Variants in NCALD observed in about 807,000 individuals in gnomAD.
NCALD encodes neurocalcin delta.
NCALD carries 10 observed loss-of-function variants against 18.6 expected under a neutral mutation model. The observed-to-expected ratio is 0.54, with a 90% CI of 0.33 to 0.91. The LOEUF (loss-of-function observed/expected upper bound fraction) is 0.91. Among genes scored for constraint, NCALD ranks in the 40% least tolerant of loss-of-function variants. The pLI is 0.03. For synonymous variants in NCALD, 88 were observed against 87.4 expected (o/e 1.01, Z -0.04); for missense variants, 184 against 247.6 (o/e 0.74, Z 1.72).
chr8:102,063,352 T>C (rs1299187520), intron 1 of NCALD, among the ~76,000 whole-genome samples: 1 of 152,174 alleles, frequency 6.6e-6, no homozygotes, highest in Admixed American at 6.5e-5. Context: ...GATGCATTTT[T>C]TTAATTAAGC....
chr8:101,718,936 A>G (rs977767287), intron 2 of NCALD, among the ~76,000 whole-genome samples: 2 of 152,214 alleles, frequency 1.3e-5, no homozygotes, highest in Admixed American at 6.5e-5. Context: ...CACAACCACT[A>G]ATCATAATCT....
chr8:102,027,387 G>A (rs532887898), intron 1 of NCALD, among the ~76,000 whole-genome samples: 11 of 152,160 alleles, frequency 7.2e-5, no homozygotes, highest in African/African-American at 1.4e-4. Flanking sequence ...TCTCTGGGAC[G>A]GGGCAAAATG....
intron 2 of NCALD, among the ~76,000 whole-genome samples, chr8:101,958,237 G>A (rs575003244): frequency 1.6e-4 from 24 of 152,212 alleles, no homozygotes; most frequent in South Asian, 6.2e-4. Flanking sequence ...ACTTGTAATC[G>A]ACATGTTTTT....
At chr8:101,895,045 G>C (rs1586712168) in intron 3 of NCALD, among the ~76,000 whole-genome samples, 1 of 150,160 alleles carries the variant, frequency 6.7e-6, no homozygotes, top group Non-Finnish European at 1.5e-5. Context: ...CCAAAGCCGG[G>C]CAGAGACACA....
chr8:101,852,329 G>A (rs1815131615), intron 4 of NCALD, among the ~76,000 whole-genome samples: 1 of 152,126 alleles, frequency 6.6e-6, no homozygotes, highest in Non-Finnish European at 1.5e-5. Context: ...GTCCACCTCT[G>A]AACTTCTGGC....
intron 2 of NCALD, among the ~76,000 whole-genome samples, chr8:101,951,452 A>T (rs1586813472): frequency 1.3e-5 from 2 of 152,242 alleles, no homozygotes; most frequent in Admixed American, 1.3e-4. Context: ...ATGCTCCACA[A>T]ATGTCAGGGA....
intron 1 of NCALD, among the ~76,000 whole-genome samples, chr8:102,100,872 G>T (rs116980161): frequency 0.026 from 3,954 of 152,258 alleles, 132 homozygotes; most frequent in East Asian, 0.13. Context: ...GAGCAGAACG[G>T]TGGTCGTCAG....
At chr8:101,746,223 T>G (rs1031678454) in intron 1 of NCALD, among the ~76,000 whole-genome samples, 2 of 152,222 alleles carry the variant, frequency 1.3e-5, no homozygotes, top group Non-Finnish European at 2.9e-5. Flanking sequence ...AGTTTCATAA[T>G]GGTAAGGAAT....
intron 3 of NCALD, among the ~76,000 whole-genome samples, chr8:101,887,582 T>C (rs1378725701): frequency 1.3e-5 from 2 of 151,726 alleles, no homozygotes; most frequent in African/African-American, 4.8e-5. Flanking sequence ...GGAAGGATTA[T>C]AAACATTAGA....
chr8:101,813,010 T>C (rs562460861), intron 4 of NCALD, among the ~76,000 whole-genome samples: 5 of 152,176 alleles, frequency 3.3e-5, no homozygotes, highest in African/African-American at 4.8e-5. Flanking sequence ...TGTTCATTTT[T>C]TCCTTTGAAA....
rs141790441 is a variant in NCALD, at chr8:101,733,988, C to T, written c.-19-14340G>A. ...GCTGTGGCTCTGTATACAGATCCCACGAGCCCCGCTTGAGTGTCACTCATC... is the reference window on the plus strand; with the variant it reads ...GCTGTGGCTCTGTATACAGATCCCATGAGCCCCGCTTGAGTGTCACTCATC... On this transcript the variant is annotated intron_variant, in intron 1 of 3. Coordinates refer to ENST00000220931, the MANE Select transcript of NCALD (RefSeq NM_032041.3). Among the ~76,000 whole-genome samples the T allele has an allele frequency of 5.3e-3, 801 of 152,304 alleles. 6 individuals carry two copies. The highest frequency in any genetic ancestry group is 8.7e-3 in the Non-Finnish European group (589 of 68,016).
At chr8:101,706,247 G>A (rs75396768) in intron 2 of NCALD, among the ~76,000 whole-genome samples, 3,910 of 152,098 alleles carry the variant, frequency 0.026, 132 homozygotes, top group African/African-American at 0.077. Flanking sequence ...CTGTCTAAAT[G>A]TGGAGATAGA....
intron 4 of NCALD, among the ~76,000 whole-genome samples, chr8:101,873,618 T>C (rs532980595): frequency 6.6e-6 from 1 of 152,280 alleles, no homozygotes; most frequent in East Asian, 1.9e-4. Context: ...GAATGTGATA[T>C]AGTAAAAATC....
chr8:101,872,179 A>T, intron 4 of NCALD: 1 of 1,603,376 alleles, frequency 6.2e-7, no homozygotes, highest in Non-Finnish European at 8.5e-7. Flanking sequence ...ACAGAGGGGA[A>T]TTCCTCGTTT....
intron 1 of NCALD, among the ~76,000 whole-genome samples, chr8:101,761,136 G>C (rs1054736274): frequency 2.0e-5 from 3 of 152,088 alleles, no homozygotes; most frequent in African/African-American, 7.2e-5. Flanking sequence ...CTGCTACCTG[G>C]GGGAGGGGCA....
chr8:102,070,930 T>A (rs1467555885), intron 1 of NCALD, among the ~76,000 whole-genome samples: 1 of 152,118 alleles, frequency 6.6e-6, no homozygotes, highest in Non-Finnish European at 1.5e-5. Flanking sequence ...AAAAATAACA[T>A]TGCTTTTTGG....
At chr8:101,953,963 A>T (rs1338451796) in intron 2 of NCALD, among the ~76,000 whole-genome samples, 1 of 152,154 alleles carries the variant, frequency 6.6e-6, no homozygotes, top group Non-Finnish European at 1.5e-5. Flanking sequence ...CCTTGACCTA[A>T]CTCCAGGTAG....
At chr8:102,048,009 T>C (rs9656851) in intron 1 of NCALD, among the ~76,000 whole-genome samples, 9,726 of 152,230 alleles carry the variant, frequency 0.064, 636 homozygotes, top group African/African-American at 0.16. Flanking sequence ...AGAATAAAGA[T>C]CACTTGGGGA....
At chr8:101,937,210 CG>C (rs1818795412) in intron 2 of NCALD, among the ~76,000 whole-genome samples, 1 of 109,704 alleles carries the variant, frequency 9.1e-6, no homozygotes, top group African/African-American at 3.6e-5. Flanking sequence ...ATTTTAGGTT[CG>C]GGGGTAACAT....
Sources: allele counts gnomAD v4.1 joint callset (sites outside exome capture counted in the v4.1 genomes callset), GRCh38; gene constraint gnomAD v4.1.1; transcripts MANE v1.5; gene names NCBI Gene and HGNC (gene_info 2026-07-23, HGNC 2026-07-21).